The following ITPKB variants were observed in gnomAD, a reference collection of about 807,000 sequenced individuals.
ITPKB encodes the protein inositol-trisphosphate 3-kinase B.
In ITPKB, 13 loss-of-function variants were observed where a neutral mutation model predicts 69.4. That is an observed-to-expected ratio of 0.19 (90% confidence interval 0.12 to 0.30). The LOEUF is 0.30. Among genes scored for constraint, ITPKB ranks in the 10% least tolerant of loss-of-function variants. The pLI is 1.00. For missense variants in ITPKB, 1,240 were observed against 1,250.5 expected (o/e 0.99, Z 0.13); for synonymous variants, 584 against 513.7 (o/e 1.14, Z -1.85).
intron 4 of ITPKB, among the ~76,000 whole-genome samples, chr1:226,644,571 C>G (rs1411796840): frequency 2.6e-5 from 4 of 152,172 alleles, no homozygotes; most frequent in Non-Finnish European, 4.4e-5. Flanking sequence ...CAGAGCATGC[C>G]CCAGAGCCAC....
chr1:226,717,464 C>CA (rs1469343558), intron 2 of ITPKB, among the ~76,000 whole-genome samples: 1 of 152,074 alleles, frequency 6.6e-6, no homozygotes, highest in African/African-American at 2.4e-5. Context: ...TGCAGAGAGA[C>CA]AAAGGGAAGC....
At chr1:226,707,678 C>T in intron 2 of ITPKB, 1 of 1,026,548 alleles carries the variant, frequency 9.7e-7, no homozygotes, top group South Asian at 3.7e-5. Context: ...TGTAGAGTCC[C>T]TCTTGAAAAC....
intron 2 of ITPKB, among the ~76,000 whole-genome samples, chr1:226,671,994 T>G (rs1315143160): frequency 6.6e-6 from 1 of 152,176 alleles, no homozygotes; most frequent in African/African-American, 2.4e-5. Flanking sequence ...TGGCTTATGT[T>G]CTAAAAGGCT....
At chr1:226,689,231 C>T (rs1197599170) in intron 2 of ITPKB, among the ~76,000 whole-genome samples, 1 of 152,216 alleles carries the variant, frequency 6.6e-6, no homozygotes, top group Non-Finnish European at 1.5e-5. Context: ...GTTTTTCAAA[C>T]AATCCAGAAT....
intron 2 of ITPKB, among the ~76,000 whole-genome samples, chr1:226,723,369 G>A (rs568988017): frequency 4.3e-4 from 66 of 152,232 alleles, no homozygotes; most frequent in African/African-American, 9.6e-4. Context: ...GACACGTGAC[G>A]GGCCTCACTG....
At chr1:226,653,274 G>A (rs1199201469) in intron 2 of ITPKB, among the ~76,000 whole-genome samples, 2 of 152,180 alleles carry the variant, frequency 1.3e-5, no homozygotes, top group Non-Finnish European at 2.9e-5. Context: ...ACCCACTTCC[G>A]TGCCTATCAA....
chr1:226,661,409 G>A (rs1037128074), intron 2 of ITPKB, among the ~76,000 whole-genome samples: 2 of 152,232 alleles, frequency 1.3e-5, no homozygotes, highest in African/African-American at 4.8e-5. Context: ...GAACACTGAG[G>A]CACAGAGTCA....
At chr1:226,652,999 G>C (rs530206280) in intron 2 of ITPKB, among the ~76,000 whole-genome samples, 2 of 152,188 alleles carry the variant, frequency 1.3e-5, no homozygotes, top group African/African-American at 4.8e-5. Context: ...CATCTCTCGG[G>C]GAGATAGGAG....
intron 2 of ITPKB, among the ~76,000 whole-genome samples, chr1:226,654,554 T>TA (rs1159336425): frequency 2.6e-5 from 4 of 152,184 alleles, no homozygotes; most frequent in Non-Finnish European, 5.9e-5. Context: ...CACAGAGCCA[T>TA]AAAACAGACC....
intron 2 of ITPKB, among the ~76,000 whole-genome samples, chr1:226,696,713 C>T (rs556141959): frequency 6.6e-6 from 1 of 152,334 alleles, no homozygotes; most frequent in African/African-American, 2.4e-5. Context: ...CACACACACA[C>T]GCAGTCTTTA....
chr1:226,664,914 T>C (rs2102760591), intron 2 of ITPKB, among the ~76,000 whole-genome samples: 1 of 152,328 alleles, frequency 6.6e-6, no homozygotes, highest in South Asian at 2.1e-4. Flanking sequence ...CCTCTTCCCT[T>C]TCCTTTCCCC....
intron 7 of ITPKB, among the ~76,000 whole-genome samples, chr1:226,635,328 C>T (rs1359472159): frequency 6.6e-6 from 1 of 152,168 alleles, no homozygotes; most frequent in Non-Finnish European, 1.5e-5. Context: ...TCAAGCGATC[C>T]TCCCACCACA....
chr1:226,682,597 A>T (rs1488842066), intron 2 of ITPKB, among the ~76,000 whole-genome samples: 1 of 152,228 alleles, frequency 6.6e-6, no homozygotes, highest in Admixed American at 6.5e-5. Context: ...TGCCTGGCAC[A>T]TACAAGGTCT....
chr1:226,633,512 G>T lies in ITPKB; in HGVS notation c.*1159C>A, dbSNP rs3820634. ...GAATCTCCAAATGCAGAGACTTCAG[G>T]AAGAGGTGCCTGGAGCACGCCCTGG... On this transcript the variant is annotated 3_prime_UTR_variant, in exon 8 of 8. Transcript: ENST00000429204. 1.8e-4 allele frequency: 27 copies of T among 152,342 alleles called. No homozygotes were observed. In the East Asian group the frequency reaches 5.2e-3, roughly 29 times the overall value. The allele number at this position is 152,342 out of a possible 1,614,324, so 9.4% of individuals were successfully genotyped here.
chr1:226,706,655 T>C (rs1038315721), intron 2 of ITPKB, among the ~76,000 whole-genome samples: 2 of 152,066 alleles, frequency 1.3e-5, no homozygotes, highest in African/African-American at 4.8e-5. Context: ...GAAAACTCAG[T>C]TGAGTGCTCC....
chr1:226,677,381 T>G (rs1053807332), intron 2 of ITPKB, among the ~76,000 whole-genome samples: 1 of 151,800 alleles, frequency 6.6e-6, no homozygotes, highest in Non-Finnish European at 1.5e-5. Flanking sequence ...CAGGAAGAGG[T>G]GTGTGTGCAG....
rs148780438 is a variant in ITPKB at position 226,671,839 on chromosome 1, G to A, written c.1933-23068C>T. Among the ~76,000 whole-genome samples, 13 of 152,302 alleles carry A rather than the reference G, an allele frequency of 8.5e-5. No homozygotes were observed. The East Asian group carries it at 2.5e-3, about 29-fold the overall frequency. On this transcript the variant is annotated intron_variant, in intron 2 of 7. Coordinates refer to ENST00000429204, the MANE Select transcript of ITPKB (RefSeq NM_002221.4). ...AAAGGCCAGCAGGAACAGCAAAGTGGCTGGAACAGAGTAAACAAAGAGGAG... is the reference window on the plus strand; with the variant it reads ...AAAGGCCAGCAGGAACAGCAAAGTGACTGGAACAGAGTAAACAAAGAGGAG...
intron 2 of ITPKB, among the ~76,000 whole-genome samples, chr1:226,704,252 G>A (rs560846568): frequency 1.3e-5 from 2 of 152,260 alleles, no homozygotes; most frequent in South Asian, 2.1e-4. Context: ...TTAGCATGCC[G>A]TAAAATACCA....
intron 2 of ITPKB, among the ~76,000 whole-genome samples, chr1:226,665,355 C>T (rs1470033515): frequency 1.3e-5 from 2 of 152,236 alleles, no homozygotes; most frequent in Admixed American, 6.5e-5. Flanking sequence ...GCCATGTCAA[C>T]GCGGGCAAGT....
Sources: allele counts gnomAD v4.1 joint callset (sites outside exome capture counted in the v4.1 genomes callset), GRCh38; gene constraint gnomAD v4.1.1; transcripts MANE v1.5; gene names NCBI Gene and HGNC (gene_info 2026-07-23, HGNC 2026-07-21).